Variants in MID1 observed in about 807,000 individuals in gnomAD.
MID1 encodes the protein E3 ubiquitin-protein ligase Midline-1.
A neutral mutation model predicts 40.4 loss-of-function variants in MID1; 7 were observed. The ratio of observed to expected loss-of-function variants is 0.17; its 90% CI spans 0.10 to 0.33. The LOEUF (loss-of-function observed/expected upper bound fraction) is 0.33. MID1 is among the 10% of genes least tolerant of loss of function. The pLI, the probability that MID1 is intolerant of heterozygous loss-of-function variation, is 1.00. For missense variants in MID1, 367 were observed against 558.5 expected, an observed-to-expected ratio of 0.66 and a Z score of 3.46; for synonymous variants, 229 against 221.2, an observed-to-expected ratio of 1.04 and a Z score of -0.31.
chrX:10,533,932 T>C (rs1019767805), intron 2 of MID1, among the ~76,000 whole-genome samples: 3 of 111,273 alleles, frequency 2.7e-5, no homozygotes, highest in Non-Finnish European at 5.7e-5. Context: ...ATATAAAGCA[T>C]TGAGTTTTAA....
intron 3 of MID1, among the ~76,000 whole-genome samples, chrX:10,512,651 C>A (rs1192490792): frequency 1.8e-5 from 2 of 112,066 alleles, no homozygotes; most frequent in Non-Finnish European, 3.8e-5. Flanking sequence ...CCTTCCAACA[C>A]CTGCAAAGAT....
At chrX:10,824,920 G>A (rs1468479797) in intron 1 of MID1, among the ~76,000 whole-genome samples, 2 of 111,055 alleles carry the variant, frequency 1.8e-5, no homozygotes, top group African/African-American at 6.5e-5. Context: ...TCATACAAAC[G>A]CTTCTCAATC....
chrX:10,690,559 G>A (rs937090490), intron 1 of MID1, among the ~76,000 whole-genome samples: 3 of 111,539 alleles, frequency 2.7e-5, no homozygotes, highest in Non-Finnish European at 3.8e-5. Context: ...GCTCACCACC[G>A]ACTTCAGTCC....
intron 1 of MID1, among the ~76,000 whole-genome samples, chrX:10,592,445 G>A (rs780313057): frequency 9.2e-6 from 1 of 108,798 alleles, no homozygotes; most frequent in Non-Finnish European, 1.9e-5. Context: ...TTAATAAATG[G>A]GATAGAAAGC....
chrX:10,655,213 C>A (rs2042862482), intron 1 of MID1, among the ~76,000 whole-genome samples: 1 of 111,421 alleles, frequency 9.0e-6, no homozygotes, highest in Non-Finnish European at 1.9e-5. Context: ...CTAGGAAACA[C>A]AAGAATTAAG....
intron 1 of MID1, among the ~76,000 whole-genome samples, chrX:10,660,803 T>A (rs1200911253): frequency 8.9e-6 from 1 of 112,063 alleles, no homozygotes; most frequent in Non-Finnish European, 1.9e-5. Flanking sequence ...TGATTAGACA[T>A]AATTACAGAA....
At chrX:10,589,072 A>C (rs971585491) in intron 1 of MID1, among the ~76,000 whole-genome samples, 1 of 111,679 alleles carries the variant, frequency 9.0e-6, no homozygotes, top group African/African-American at 3.3e-5. Context: ...CACACCACAA[A>C]ACAAAGAACA....
At chrX:10,535,825 A>T (rs985439785) in intron 2 of MID1, among the ~76,000 whole-genome samples, 1 of 112,374 alleles carries the variant, frequency 8.9e-6, no homozygotes, top group Admixed American at 9.4e-5. Flanking sequence ...TTACAGCTCT[A>T]TTCACTTTCA....
Position 10,780,892 on chromosome X carries a change from G to A in MID1, c.-187+52662C>T, listed in dbSNP as rs151048525. 7.2e-3 allele frequency among the ~76,000 whole-genome samples: 799 copies of A among 111,180 alleles called. 15 individuals are homozygous for A. Among genetic ancestry groups the A allele is most frequent in the African/African-American group, 0.025 (759 of 30,591 alleles). On this transcript the variant is annotated intron_variant, in intron 1 of 10. Transcript: ENST00000380785. Reference sequence around the variant, plus strand: ...TGCGCACCCTAGATCTCTCTTGTGCGCAGTTCACAATAGGGTTCACACTTC... The same window carrying A: ...TGCGCACCCTAGATCTCTCTTGTGCACAGTTCACAATAGGGTTCACACTTC...
At chrX:10,708,508 G>T (rs899390154) in intron 1 of MID1, among the ~76,000 whole-genome samples, 2 of 110,986 alleles carry the variant, frequency 1.8e-5, no homozygotes, top group African/African-American at 6.6e-5. Flanking sequence ...GGGGCAAAAA[G>T]AAAAGGGGAA....
At chrX:10,760,216 C>T (rs1400507212) in intron 1 of MID1, among the ~76,000 whole-genome samples, 2 of 111,599 alleles carry the variant, frequency 1.8e-5, no homozygotes, top group African/African-American at 3.3e-5. Flanking sequence ...TAAGAGAGCA[C>T]ACTGCCTTTT....
chrX:10,765,110 C>G (rs1035546050), intron 1 of MID1, among the ~76,000 whole-genome samples: 2 of 111,594 alleles, frequency 1.8e-5, no homozygotes, highest in Admixed American at 1.9e-4. Context: ...CGCACACTCT[C>G]CAGGTTCACA....
intron 2 of MID1, among the ~76,000 whole-genome samples, chrX:10,553,901 ACT>A (rs948015520): frequency 3.6e-5 from 4 of 110,449 alleles, no homozygotes; most frequent in African/African-American, 1.3e-4. Context: ...CCATACTCAA[ACT>A]CTCTCTCTTT....
intron 1 of MID1, among the ~76,000 whole-genome samples, chrX:10,705,902 T>C (rs2043228066): frequency 8.9e-6 from 1 of 112,516 alleles, no homozygotes; most frequent in Non-Finnish European, 1.9e-5. Flanking sequence ...TTTTAGGTAC[T>C]TTATGAATTG....
chrX:10,785,130 A>G (rs2043872711), intron 1 of MID1, among the ~76,000 whole-genome samples: 1 of 111,778 alleles, frequency 8.9e-6, no homozygotes, highest in Non-Finnish European at 1.9e-5. Flanking sequence ...TCAGGATACA[A>G]AATCAATGTG....
intron 1 of MID1, among the ~76,000 whole-genome samples, chrX:10,637,924 G>T (rs1936138795): frequency 8.9e-6 from 1 of 112,034 alleles, no homozygotes; most frequent in Non-Finnish European, 1.9e-5. Context: ...TACTACCTTT[G>T]CAACTTTCTG....
chrX:10,686,779 T>C (rs1338948371), intron 1 of MID1, among the ~76,000 whole-genome samples: 1 of 112,240 alleles, frequency 8.9e-6, no homozygotes, highest in Non-Finnish European at 1.9e-5. Flanking sequence ...ACAACCTGGC[T>C]GAGAGCTCTG....
At chrX:10,662,385 A>C (rs1281226952) in intron 1 of MID1, among the ~76,000 whole-genome samples, 2 of 110,656 alleles carry the variant, frequency 1.8e-5, no homozygotes, top group Non-Finnish European at 3.8e-5. Flanking sequence ...CTCCATAGTT[A>C]AAACCATAGT....
chrX:10,538,354 T>C (rs765989409), intron 2 of MID1, among the ~76,000 whole-genome samples: 13 of 111,568 alleles, frequency 1.2e-4, no homozygotes, highest in African/African-American at 3.9e-4. Flanking sequence ...GTTGTTTTTT[T>C]AAAAGACTCC....
Sources: gnomAD v4.1 joint callset for allele counts (sites outside exome capture counted in the v4.1 genomes callset) on GRCh38, gnomAD v4.1.1 for gene constraint, MANE v1.5 for transcripts, NCBI Gene and HGNC (gene_info 2026-07-23, HGNC 2026-07-21) for gene names.